Variants in FBXO41 observed in about 807,000 individuals in gnomAD.
FBXO41 encodes the protein F-box protein 41.
In FBXO41, 33 loss-of-function variants were observed where a neutral mutation model predicts 81.6. That is an observed-to-expected ratio of 0.40 (90% CI 0.31 to 0.54). The LOEUF is 0.54. FBXO41 is among the 20% of genes least tolerant of loss of function. FBXO41 has a pLI of 0.39. For missense variants in FBXO41, 1,107 were observed against 1,236.0 expected (o/e 0.90, Z 1.56); for synonymous variants, 576 against 552.7 (o/e 1.04, Z -0.59).
In FBXO41 at chr2:73,258,786, C is replaced by T; in HGVS notation, c.*196G>A. 1.6e-6 allele frequency: 1 copy of T among 616,934 alleles called. No individual in the cohort carries two copies. Among genetic ancestry groups the T allele is most frequent in the Non-Finnish European group, 2.7e-6 (1 of 363,700 alleles). The allele number at this position is 616,934 out of a possible 1,614,324, so 38.2% of individuals were successfully genotyped here. ...GGCAGCTTCTGTCCAAGCCCCTGTA[C>T]TGGGGAGGCAGTGCCCTGGGTCAGG... On this transcript the variant is annotated 3_prime_UTR_variant, in exon 13 of 13. Transcript: ENST00000520530.
In FBXO41 at chr2:73,260,967, A is replaced by C; in HGVS notation, c.2172-109T>G. 3 of 835,278 alleles carry C rather than the reference A, an allele frequency of 3.6e-6. No homozygotes were observed. Among genetic ancestry groups the C allele is most frequent in the Non-Finnish European group, 5.6e-6 (3 of 538,116 alleles). The allele number at this position is 835,278 out of a possible 1,614,324, so 51.7% of individuals were successfully genotyped here. A position where few individuals can be genotyped will look rare whatever the true frequency, so the allele number is the denominator to read the frequency against. On this transcript the variant is annotated intron_variant, in intron 9 of 12. Transcript: ENST00000520530. The surrounding 1 kb of genome is among the most constrained non-coding windows in gnomAD (Gnocchi z 5.0). ...GACTCAGGCAAGCATTCCTCCAACA[A>C]CCCAGCAGGTCAAGTCAGAGAACCA...
At chr2:73,278,452 T>C (rs1688755655) in intron 1 of FBXO41, among the ~76,000 whole-genome samples, 1 of 152,242 alleles carries the variant, frequency 6.6e-6, no homozygotes, top group African/African-American at 2.4e-5. Flanking sequence ...ACGAATTTAT[T>C]CTATATCTAT....
rs766971909 is a variant in FBXO41, at chr2:73,259,131, T to A, written c.2565+50A>T. 1 of 1,611,962 alleles carries A rather than the reference T, an allele frequency of 6.2e-7. No homozygotes were observed. The highest frequency in any genetic ancestry group is 1.7e-5 in the Admixed American group (1 of 59,944). ...CACTCACCCAGGTCACCAGCCCCAG[T>A]CTAGGGATGCCACTTGGGGTCTTGG... On this transcript the variant is annotated intron_variant, in intron 12 of 12. Coordinates refer to ENST00000520530, the MANE Select transcript of FBXO41 (RefSeq NM_001371389.2). This position sits in a 1 kb window ranked among gnomAD's most constrained non-coding sequence, Gnocchi z 4.2.
chr2:73,266,566 C>T lies in FBXO41; in HGVS notation c.1022G>A (p.Arg341Gln), dbSNP rs569031239. 18 of 1,610,430 alleles carry T rather than the reference C, an allele frequency of 1.1e-5. No homozygotes were observed. Among genetic ancestry groups the T allele is most frequent in the South Asian group, 6.6e-5 (6 of 90,754 alleles). The change falls in exon 3 of 13, where the codon CGG (arginine) becomes CAG (glutamine). Residue 341 changes from arginine to glutamine, a missense_variant. Physicochemically the swap from Arg to Gln is conservative, Grantham distance 43. Coordinates refer to ENST00000520530, the MANE Select transcript of FBXO41 (RefSeq NM_001371389.2). The surrounding 1 kb of genome is among the most constrained non-coding windows in gnomAD (Gnocchi z 5.3). ...GCTGCTGCTGATGACCTGCAGCTGC[C>T]GCTCGGCACGGTCAGCCCGCTCAAG... ...ELLERADRAE[R>Q]QLQVISSSCG...
chr2:73,255,792 CT>C lies in FBXO41; in HGVS notation c.*3189del, dbSNP rs1687788067. The C allele has an allele frequency of 6.6e-6, 1 of 152,554 alleles. No individual in the cohort carries two copies. The highest frequency in any genetic ancestry group is 2.4e-5 in the African/African-American group (1 of 41,434). 9.5% of individuals were successfully genotyped at this position (152,554 alleles called of 1,614,324 possible). The stretch of plus-strand genomic sequence containing the variant: ...GGAGCCAAACCTTGGAGTAGCAGGC[CT>C]TGGGAAGGAGGACTTTTTTTTGTTT... On this transcript the variant is annotated 3_prime_UTR_variant, in exon 13 of 13. Transcript: ENST00000520530.
At chr2:73,274,829 G>C (rs1385670773) in intron 1 of FBXO41, among the ~76,000 whole-genome samples, 1 of 151,802 alleles carries the variant, frequency 6.6e-6, no homozygotes, top group South Asian at 2.1e-4. Flanking sequence ...ACCTCCCAAA[G>C]TGCTGGGATT....
chr2:73,279,497 G>A (rs962203336), intron 1 of FBXO41, among the ~76,000 whole-genome samples: 1 of 152,190 alleles, frequency 6.6e-6, no homozygotes, highest in African/African-American at 2.4e-5. Context: ...GAACAAAGAG[G>A]TTCCTAAGAA....
chr2:73,273,048 T>G (rs905039007), intron 1 of FBXO41: 9 of 152,200 alleles, frequency 5.9e-5, no homozygotes, highest in African/African-American at 2.2e-4. Flanking sequence ...CGGTCCAGGT[T>G]TTTTTCCTCA....
At chr2:73,270,865 C>G (rs1425275182) in intron 1 of FBXO41, 1 of 534,442 alleles carries the variant, frequency 1.9e-6, no homozygotes. Context: ...CTTCCACTGC[C>G]CTGTGATCAA....
chr2:73,264,144 G>A, intron 6 of FBXO41, 91 bp from the exon 7 acceptor site: 15 of 1,552,648 alleles, frequency 9.7e-6, no homozygotes, highest in Non-Finnish European at 1.3e-5. Flanking sequence ...GGCCCCATGA[G>A]AGCATTTCAG....
At chr2:73,281,551 G>T (rs1688847208) in intron 1 of FBXO41, among the ~76,000 whole-genome samples, 1 of 152,198 alleles carries the variant, frequency 6.6e-6, no homozygotes, top group African/African-American at 2.4e-5. Context: ...CTTAGGACTT[G>T]TCCTCTTGGA....
chr2:73,282,357 G>A (rs1417125612), intron 1 of FBXO41, among the ~76,000 whole-genome samples: 5 of 152,106 alleles, frequency 3.3e-5, no homozygotes, highest in Admixed American at 3.3e-4. Flanking sequence ...AGAGATCTAG[G>A]GAATTCAAAG....
intron 1 of FBXO41, among the ~76,000 whole-genome samples, chr2:73,273,524 GAC>G (rs1688600659): frequency 6.6e-6 from 1 of 152,146 alleles, no homozygotes; most frequent in Non-Finnish European, 1.5e-5. Context: ...GAACACACAT[GAC>G]CTCAGTCTGT....
At position 73,257,446 on chromosome 2, in the gene FBXO41, T is replaced by C. The variant is rs1687856411; in HGVS notation, c.*1536A>G. The C allele has an allele frequency of 6.6e-6, 1 of 152,060 alleles. No individual in the cohort carries two copies. The highest frequency in any genetic ancestry group is 6.5e-5 in the Admixed American group (1 of 15,276). The allele number at this position is 152,060 out of a possible 1,614,324, so 9.4% of individuals were successfully genotyped here. A position where few individuals can be genotyped will look rare whatever the true frequency, so the allele number is the denominator to read the frequency against. On this transcript the variant is annotated 3_prime_UTR_variant, in exon 13 of 13. Transcript: ENST00000520530. The surrounding 1 kb of genome is among the most constrained non-coding windows in gnomAD (Gnocchi z 4.6). Reference sequence around the variant, plus strand: ...GGTAACCTGGGGGAGGGTCTTCATGTCCAAGCCAGGTTGTGTTAGGAAGTT... The same window carrying C: ...GGTAACCTGGGGGAGGGTCTTCATGCCCAAGCCAGGTTGTGTTAGGAAGTT...
Position 73,258,677 on chromosome 2 carries a change from G to A in FBXO41, c.*305C>T. On this transcript the variant is annotated 3_prime_UTR_variant, in exon 13 of 13. Coordinates refer to ENST00000520530, the MANE Select transcript of FBXO41 (RefSeq NM_001371389.2). ...TGGGTGGTTATTGCAGATCCTCCAG[G>A]TGATGACACCAGGCGCTGGTGGTGA... 5.2e-6 allele frequency: 2 copies of A among 384,102 alleles called. No homozygotes were observed. Among genetic ancestry groups the A allele is most frequent in the Non-Finnish European group, 9.3e-6 (2 of 214,368 alleles). The allele number at this position is 384,102 out of a possible 1,614,324, so 23.8% of individuals were successfully genotyped here.
intron 2 of FBXO41, among the ~76,000 whole-genome samples, chr2:73,267,387 G>A (rs2103882028): frequency 6.6e-6 from 1 of 152,296 alleles, no homozygotes; most frequent in East Asian, 1.9e-4. Flanking sequence ...ACACTCAAAT[G>A]TGGAAGCATA....
At chr2:73,263,410 A>G (rs1574378603) in intron 8 of FBXO41, 102 bp from the exon 9 acceptor site, 3 of 918,878 alleles carry the variant, frequency 3.3e-6, no homozygotes, top group Non-Finnish European at 3.2e-6. Context: ...GCCTGAGCCC[A>G]GGATTCCAGA....
Position 73,260,735 on chromosome 2 carries a change from C to T in FBXO41, c.2290+5G>A. ...CCCACCACCCCAGTCCAAGGAAAGA[C>T]TCACCGAGTGATGCCAGGCCCTGCA... On this transcript the variant is annotated splice_donor_5th_base_variant and intron_variant, in intron 10 of 12. Coordinates refer to ENST00000520530, the MANE Select transcript of FBXO41 (RefSeq NM_001371389.2). This position sits in a 1 kb window ranked among gnomAD's most constrained non-coding sequence, Gnocchi z 5.0. 6.5e-7 allele frequency: 1 copy of T among 1,542,600 alleles called. No individual in the cohort carries two copies. Among genetic ancestry groups the T allele is most frequent in the Non-Finnish European group, 8.8e-7 (1 of 1,140,668 alleles).
At chr2:73,271,955 G>C (rs927523004) in intron 1 of FBXO41, among the ~76,000 whole-genome samples, 2 of 152,176 alleles carry the variant, frequency 1.3e-5, no homozygotes, top group East Asian at 3.9e-4. Context: ...GCTTAAGCTA[G>C]TTACAGTTGG....
Sources: gnomAD v4.1 joint callset for allele counts (sites outside exome capture counted in the v4.1 genomes callset) on GRCh38, gnomAD v4.1.1 for gene constraint, Gnocchi (gnomAD v3.1) non-coding constraint, MANE v1.5 for transcripts, NCBI Gene and HGNC (gene_info 2026-07-23, HGNC 2026-07-21) for gene names.